The following NKAIN2 variants were observed in gnomAD, a reference collection of about 807,000 sequenced individuals.
The protein encoded by NKAIN2 is sodium/potassium-transporting ATPase subunit beta-1-interacting protein 2.
A neutral mutation model predicts 32.6 loss-of-function variants in NKAIN2; 14 were observed. That is an observed-to-expected ratio of 0.43 (90% CI 0.28 to 0.67). The LOEUF (loss-of-function observed/expected upper bound fraction) is 0.67. Among genes scored for constraint, NKAIN2 ranks in the 30% least tolerant of loss-of-function variants. The probability of loss-of-function intolerance (pLI) is 0.17; values close to 1 mark genes in which losing one functional copy is unlikely to be tolerated. For synonymous variants in NKAIN2, 80 were observed against 87.2 expected (o/e 0.92, Z 0.46); for missense variants, 198 against 258.3 (o/e 0.77, Z 1.60).
At chr6:124,767,716 T>A (rs2114751312) in intron 4 of NKAIN2, among the ~76,000 whole-genome samples, 1 of 152,344 alleles carries the variant, frequency 6.6e-6, no homozygotes, top group South Asian at 2.1e-4. Context: ...TTCAACACTC[T>A]GGTGGTCCTG....
chr6:124,707,303 G>A (rs539770346), intron 4 of NKAIN2, among the ~76,000 whole-genome samples: 4 of 152,126 alleles, frequency 2.6e-5, no homozygotes, highest in African/African-American at 7.2e-5. Flanking sequence ...ATAAACATAC[G>A]TGTGCATGTG....
chr6:124,698,965 A>G (rs749780806), intron 4 of NKAIN2, among the ~76,000 whole-genome samples: 6 of 152,214 alleles, frequency 3.9e-5, no homozygotes, highest in South Asian at 2.1e-4. Flanking sequence ...ATCCAGGCCT[A>G]GCAATTCCAC....
intron 1 of NKAIN2, among the ~76,000 whole-genome samples, chr6:124,172,262 T>C (rs1264117696): frequency 6.6e-6 from 1 of 152,204 alleles, no homozygotes; most frequent in Non-Finnish European, 1.5e-5. Flanking sequence ...TTGAAGTAAA[T>C]TTGTTATATC....
At chr6:124,374,262 G>T (rs10223431) in intron 3 of NKAIN2, among the ~76,000 whole-genome samples, 23,369 of 151,826 alleles carry the variant, frequency 0.15, 2,359 homozygotes, top group African/African-American at 0.29. Flanking sequence ...TCAGTAAAAT[G>T]AGTCAAAGGT....
At chr6:124,111,801 T>C (rs1426462076) in intron 1 of NKAIN2, among the ~76,000 whole-genome samples, 3 of 151,972 alleles carry the variant, frequency 2.0e-5, no homozygotes, top group African/African-American at 7.2e-5. Context: ...TTGTTATGCC[T>C]CAATTAGTTT....
At chr6:124,539,236 C>G (rs1010448593) in intron 3 of NKAIN2, among the ~76,000 whole-genome samples, 1 of 152,080 alleles carries the variant, frequency 6.6e-6, no homozygotes, top group Non-Finnish European at 1.5e-5. Context: ...CTACTCTTGT[C>G]CAATGATGAG....
chr6:124,470,860 A>T (rs896540105), intron 3 of NKAIN2, among the ~76,000 whole-genome samples: 1 of 152,182 alleles, frequency 6.6e-6, no homozygotes, highest in Non-Finnish European at 1.5e-5. Flanking sequence ...AGCTTTGCTA[A>T]ACTTATGTTT....
chr6:124,612,025 C>A (rs1487388794), intron 3 of NKAIN2, among the ~76,000 whole-genome samples: 1 of 151,700 alleles, frequency 6.6e-6, no homozygotes, highest in Non-Finnish European at 1.5e-5. Flanking sequence ...TTTTTTTAAG[C>A]CCTCTTACTT....
intron 1 of NKAIN2, among the ~76,000 whole-genome samples, chr6:124,147,181 G>C (rs1243816571): frequency 6.6e-6 from 1 of 152,104 alleles, no homozygotes; most frequent in African/African-American, 2.4e-5. Context: ...GCATGCTGCG[G>C]ACTTTTAGAA....
chr6:124,415,892 T>TTTTTTTC (rs1284073818), intron 3 of NKAIN2, among the ~76,000 whole-genome samples: 1 of 148,708 alleles, frequency 6.7e-6, no homozygotes, highest in African/African-American at 2.5e-5. Context: ...TTTTTTTTTT[T>TTTTTTTC]TTTGCTAATT....
intron 4 of NKAIN2, among the ~76,000 whole-genome samples, chr6:124,725,754 C>T (rs554794824): frequency 6.6e-5 from 10 of 152,288 alleles, no homozygotes; most frequent in Admixed American, 2.0e-4. Context: ...CCAGTGTGAG[C>T]GACGCAGAAG....
chr6:124,268,693 C>T (rs1236518907), intron 1 of NKAIN2, among the ~76,000 whole-genome samples: 1 of 151,176 alleles, frequency 6.6e-6, no homozygotes, highest in Non-Finnish European at 1.5e-5. Context: ...CATATATACA[C>T]ATTTGTATAT....
At chr6:123,820,356 A>G (rs879599865) in intron 1 of NKAIN2, among the ~76,000 whole-genome samples, 2 of 152,260 alleles carry the variant, frequency 1.3e-5, no homozygotes, top group Non-Finnish European at 2.9e-5. Context: ...GGGACAGAGA[A>G]GAAAATAAAT....
intron 3 of NKAIN2, among the ~76,000 whole-genome samples, chr6:124,413,903 A>G (rs963062147): frequency 3.3e-5 from 5 of 152,240 alleles, no homozygotes; most frequent in Admixed American, 1.3e-4. Flanking sequence ...TACTAAACTC[A>G]TTTATTAGAT....
intron 4 of NKAIN2, among the ~76,000 whole-genome samples, chr6:124,678,316 A>G (rs1472075573): frequency 6.6e-6 from 1 of 151,906 alleles, no homozygotes; most frequent in Non-Finnish European, 1.5e-5. Flanking sequence ...TTCTCTCTCT[A>G]GTCTCCTCCT....
At chr6:124,780,728 T>C (rs1424609401) in intron 4 of NKAIN2, among the ~76,000 whole-genome samples, 2 of 152,222 alleles carry the variant, frequency 1.3e-5, no homozygotes, top group African/African-American at 4.8e-5. Flanking sequence ...ACTCTCCACC[T>C]GATATGAGAC....
chr6:124,494,415 G>T (rs1299787870), intron 3 of NKAIN2, among the ~76,000 whole-genome samples: 2 of 152,026 alleles, frequency 1.3e-5, no homozygotes, highest in African/African-American at 4.8e-5. Flanking sequence ...AATATAAGGA[G>T]ATTCTAGTTT....
intron 3 of NKAIN2, among the ~76,000 whole-genome samples, chr6:124,358,238 G>C (rs1408609141): frequency 6.6e-6 from 1 of 152,068 alleles, no homozygotes; most frequent in South Asian, 2.1e-4. Context: ...ATAAACATAC[G>C]TGTGCATGTG....
intron 2 of NKAIN2, among the ~76,000 whole-genome samples, chr6:124,295,401 A>G (rs996024812): frequency 1.3e-4 from 20 of 152,284 alleles, no homozygotes; most frequent in African/African-American, 3.4e-4. Context: ...GGTTTGTAGC[A>G]TAGTGTTGTT....
Sources: allele counts gnomAD v4.1 joint callset (sites outside exome capture counted in the v4.1 genomes callset), GRCh38; gene constraint gnomAD v4.1.1; transcripts MANE v1.5; gene names NCBI Gene and HGNC (gene_info 2026-07-23, HGNC 2026-07-21).